CCDC85C: variants seen among roughly 807,000 people sequenced by gnomAD.
The protein encoded by CCDC85C is coiled-coil domain-containing protein 85C.
Under a neutral mutation model 38.3 loss-of-function variants are expected in CCDC85C, and 18 were observed. The ratio of observed to expected loss-of-function variants is 0.47; its 90% CI spans 0.33 to 0.70. CCDC85C has a LOEUF of 0.70. Ranked by LOEUF, CCDC85C falls within the 30% of genes least tolerant of loss-of-function variation. CCDC85C has a pLI of 0.03. For synonymous variants in CCDC85C, 264 were observed against 293.8 expected (o/e 0.90, Z 1.04); for missense variants, 566 against 621.2 (o/e 0.91, Z 0.94).
rs1387435355 is a variant in CCDC85C, at chr14:99,533,088, C to T, written c.867+2927G>A. 6.6e-6 allele frequency among the ~76,000 whole-genome samples: 1 copy of T among 152,114 alleles called. No individual in the cohort carries two copies. Among genetic ancestry groups the T allele is most frequent in the Non-Finnish European group, 1.5e-5 (1 of 68,000 alleles). On this transcript the variant is annotated intron_variant, in intron 2 of 5. Transcript: ENST00000380243. This position sits in a 1 kb window ranked among gnomAD's most constrained non-coding sequence, Gnocchi z 4.2. ...TGAGCCACCACACCCAGCCGTGGCTCCTCTGGTTCTGCTGATGCCATGGGC... is the reference window on the plus strand; with the variant it reads ...TGAGCCACCACACCCAGCCGTGGCTTCTCTGGTTCTGCTGATGCCATGGGC...
At chr14:99,530,024 C>G (rs1469920892) in intron 2 of CCDC85C, among the ~76,000 whole-genome samples, 1 of 152,248 alleles carries the variant, frequency 6.6e-6, no homozygotes, top group Non-Finnish European at 1.5e-5. Context: ...TTCAGTGCCA[C>G]TCTGCTGGCA....
chr14:99,551,543 G>A (rs1897907799), intron 1 of CCDC85C, among the ~76,000 whole-genome samples: 1 of 151,696 alleles, frequency 6.6e-6, no homozygotes, highest in African/African-American at 2.4e-5. Flanking sequence ...GCAGGTGGGT[G>A]GGCAGGTGAG....
chr14:99,552,981 T>C (rs1897941944), intron 1 of CCDC85C, among the ~76,000 whole-genome samples: 1 of 152,174 alleles, frequency 6.6e-6, no homozygotes, highest in Non-Finnish European at 1.5e-5. Flanking sequence ...AGGGATGGCC[T>C]GGGGGTGTGG....
chr14:99,524,179 T>TC (rs1555368213), intron 2 of CCDC85C, among the ~76,000 whole-genome samples: 3 of 151,920 alleles, frequency 2.0e-5, no homozygotes, highest in Admixed American at 2.0e-4. Context: ...CAATGGAGAA[T>TC]GCATTCTAAG....
intron 2 of CCDC85C, among the ~76,000 whole-genome samples, chr14:99,529,964 C>T (rs1052969828): frequency 2.0e-5 from 3 of 152,230 alleles, no homozygotes; most frequent in Non-Finnish European, 4.4e-5. Context: ...CCATTAGTGT[C>T]CCCATTTTGC....
rs1468557046 is a variant in CCDC85C at position 99,515,338 on chromosome 14, G to A, written c.1171-3C>T. 5.2e-6 allele frequency: 8 copies of A among 1,548,654 alleles called. No individual in the cohort carries two copies. Among genetic ancestry groups the A allele is most frequent in the Non-Finnish European group, 7.0e-6 (8 of 1,145,276 alleles). ...TCTCCCAGCTTTCTCCAGACCACCT[G>A]TGGAGAGGAGAGAGATGTGAGTGGT... On this transcript the variant is annotated splice_polypyrimidine_tract_variant and splice_region_variant and intron_variant, in intron 5 of 5. Transcript: ENST00000380243.
intron 1 of CCDC85C, among the ~76,000 whole-genome samples, chr14:99,579,459 T>C (rs1263007367): frequency 1.3e-5 from 2 of 152,104 alleles, no homozygotes; most frequent in Non-Finnish European, 2.9e-5. Flanking sequence ...GGCAGGGGCC[T>C]GGGGTTGGGG....
At chr14:99,517,030 A>G (rs899274381) in intron 4 of CCDC85C, 58 bp downstream of exon 4, 5 of 1,464,814 alleles carry the variant, frequency 3.4e-6, no homozygotes, top group Non-Finnish European at 4.7e-6. Context: ...AAGGTCCCAC[A>G]GTCTCACAGT....
intron 1 of CCDC85C, among the ~76,000 whole-genome samples, chr14:99,556,173 C>A (rs193279392): frequency 6.6e-6 from 1 of 152,378 alleles, no homozygotes; most frequent in African/African-American, 2.4e-5. Flanking sequence ...AATACCAGCA[C>A]TGAGAAGCCA....
rs1897169194 is a variant in CCDC85C, at chr14:99,513,366, A to G, written c.*1880T>C. The G allele has an allele frequency of 6.6e-6, 1 of 152,210 alleles. No individual in the cohort carries two copies. Among genetic ancestry groups the G allele is most frequent in the African/African-American group, 2.4e-5 (1 of 41,452 alleles). 9.4% of individuals were successfully genotyped at this position (152,210 alleles called of 1,614,324 possible). On this transcript the variant is annotated 3_prime_UTR_variant, in exon 6 of 6. Transcript: ENST00000380243. ...ACTCGGGCAAGAATCACTGGGTACC[A>G]TGAGCAGCAGGTGTTCACCCAACTT...
intron 2 of CCDC85C, among the ~76,000 whole-genome samples, chr14:99,527,908 C>A (rs966363906): frequency 6.6e-6 from 1 of 152,188 alleles, no homozygotes; most frequent in African/African-American, 2.4e-5. Context: ...GGACCCCGGG[C>A]ACCTGGGCAA....
intron 2 of CCDC85C, among the ~76,000 whole-genome samples, chr14:99,530,019 T>C (rs1897462226): frequency 6.6e-6 from 1 of 152,242 alleles, no homozygotes; most frequent in African/African-American, 2.4e-5. Flanking sequence ...ACCTGTTCAG[T>C]GCCACTCTGC....
intron 1 of CCDC85C, among the ~76,000 whole-genome samples, chr14:99,593,169 G>T (rs533068875): frequency 6.6e-6 from 1 of 152,336 alleles, no homozygotes; most frequent in East Asian, 1.9e-4. Context: ...CCACACAATC[G>T]GGCCCTTGTG....
chr14:99,550,382 G>A (rs1897885004), intron 1 of CCDC85C, among the ~76,000 whole-genome samples: 1 of 152,366 alleles, frequency 6.6e-6, no homozygotes, highest in Non-Finnish European at 1.5e-5. Context: ...AAGCTGGACA[G>A]ACAGGGAAGC....
intron 1 of CCDC85C, among the ~76,000 whole-genome samples, chr14:99,553,878 C>T (rs761425486): frequency 3.7e-4 from 57 of 152,294 alleles, no homozygotes; most frequent in African/African-American, 1.2e-3. Flanking sequence ...GTGCTGGGGA[C>T]GGTCCCTTCT....
chr14:99,542,682 C>A (rs1897736164), intron 1 of CCDC85C, among the ~76,000 whole-genome samples: 1 of 152,172 alleles, frequency 6.6e-6, no homozygotes, highest in South Asian at 2.1e-4. Flanking sequence ...ACAGAAGGGC[C>A]ACACTGGCCA....
chr14:99,572,052 C>T lies in CCDC85C; in HGVS notation c.793+31115G>A, dbSNP rs149826820. Among the ~76,000 whole-genome samples, 55 of 152,282 alleles carry T rather than the reference C, an allele frequency of 3.6e-4. 1 individual carries two copies. Among genetic ancestry groups the T allele is most frequent in the Middle Eastern group, 6.8e-3 (2 of 294 alleles). On this transcript the variant is annotated intron_variant, in intron 1 of 5. Coordinates refer to ENST00000380243, the MANE Select transcript of CCDC85C (RefSeq NM_001144995.2). This position sits in a 1 kb window ranked among gnomAD's most constrained non-coding sequence, Gnocchi z 4.4. ...CACCCTTCCACGGGGCATCTCAGAG[C>T]GTGATCCCCAGAGCCCCCAACCCTA...
chr14:99,566,294 T>C (rs1269104949), intron 1 of CCDC85C, among the ~76,000 whole-genome samples: 4 of 152,112 alleles, frequency 2.6e-5, no homozygotes, highest in African/African-American at 9.6e-5. Flanking sequence ...GCATGGATCA[T>C]CTCAGACCTC....
At chr14:99,521,161 C>T (rs531283826) in intron 3 of CCDC85C, among the ~76,000 whole-genome samples, 111 of 152,132 alleles carry the variant, frequency 7.3e-4, no homozygotes, top group African/African-American at 2.6e-3. Context: ...GACTAAGGAG[C>T]CAGCCCCGTG....
Sources: gnomAD v4.1 joint callset for allele counts (sites outside exome capture counted in the v4.1 genomes callset) on GRCh38, gnomAD v4.1.1 for gene constraint, Gnocchi (gnomAD v3.1) non-coding constraint, MANE v1.5 for transcripts, NCBI Gene and HGNC (gene_info 2026-07-23, HGNC 2026-07-21) for gene names.